Variants in SMAP1 observed in about 807,000 individuals in gnomAD.
SMAP1 encodes stromal membrane-associated protein 1.
SMAP1 carries 24 observed loss-of-function variants against 58.5 expected under a neutral mutation model. The observed-to-expected ratio is 0.41, with a 90% confidence interval of 0.30 to 0.58. The LOEUF (loss-of-function observed/expected upper bound fraction) is 0.58. SMAP1 is among the 20% of genes least tolerant of loss of function. The probability of loss-of-function intolerance (pLI) is 0.29; values close to 1 mark genes in which losing one functional copy is unlikely to be tolerated. For missense variants in SMAP1, 563 were observed against 566.3 expected (o/e 0.99, Z 0.06); for synonymous variants, 216 against 196.6 (o/e 1.10, Z -0.82).
At chr6:70,769,465 G>C (rs1767169069) in intron 3 of SMAP1, among the ~76,000 whole-genome samples, 1 of 152,192 alleles carries the variant, frequency 6.6e-6, no homozygotes, top group Admixed American at 6.5e-5. Flanking sequence ...ATTTAGGATA[G>C]TTAGCTCTTC....
chr6:70,680,271 G>A (rs960754896), intron 1 of SMAP1, among the ~76,000 whole-genome samples: 15 of 152,138 alleles, frequency 9.9e-5, no homozygotes, highest in African/African-American at 3.6e-4. Flanking sequence ...CTGGGACCTT[G>A]AATTAAGCAG....
intron 2 of SMAP1, among the ~76,000 whole-genome samples, chr6:70,752,079 TGTC>T (rs1284556734): frequency 2.6e-5 from 4 of 152,232 alleles, no homozygotes; most frequent in Non-Finnish European, 4.4e-5. Context: ...TCTTCTGTCT[TGTC>T]GTAAAATTTT....
At chr6:70,677,041 T>C (rs1581982226) in intron 1 of SMAP1, among the ~76,000 whole-genome samples, 1 of 152,122 alleles carries the variant, frequency 6.6e-6, no homozygotes, top group Admixed American at 6.6e-5. Flanking sequence ...TCCTCTTGCC[T>C]AGGCCTCCTG....
At chr6:70,793,733 T>A (rs1042016907) in intron 5 of SMAP1, among the ~76,000 whole-genome samples, 1 of 151,934 alleles carries the variant, frequency 6.6e-6, no homozygotes, top group African/African-American at 2.4e-5. Flanking sequence ...ATTTATTTAT[T>A]TTTTTGAGAC....
chr6:70,744,337 C>G (rs149740239), intron 2 of SMAP1, among the ~76,000 whole-genome samples: 1 of 152,042 alleles, frequency 6.6e-6, no homozygotes, highest in African/African-American at 2.4e-5. Flanking sequence ...CCCACACCCC[C>G]GATAGGCCCC....
chr6:70,756,793 T>C (rs1766510027), intron 3 of SMAP1, among the ~76,000 whole-genome samples: 1 of 152,114 alleles, frequency 6.6e-6, no homozygotes, highest in African/African-American at 2.4e-5. Flanking sequence ...ATAAAATACC[T>C]AGGAATCCAA....
intron 2 of SMAP1, 62 bp downstream of exon 2, chr6:70,732,573 C>G: frequency 7.4e-7 from 1 of 1,344,362 alleles, no homozygotes; most frequent in Non-Finnish European, 9.7e-7. Flanking sequence ...AATATTTAAC[C>G]CTTCTTGCAT....
chr6:70,702,620 TTTCTTCTTC>T (rs558995384), intron 1 of SMAP1, among the ~76,000 whole-genome samples: 1 of 151,888 alleles, frequency 6.6e-6, no homozygotes, highest in Non-Finnish European at 1.5e-5. Flanking sequence ...TCAGCCTTTC[TTTCTTCTTC>T]TTCTTCTTCT....
chr6:70,822,285 G>T (rs959644044), intron 6 of SMAP1, among the ~76,000 whole-genome samples: 2 of 152,128 alleles, frequency 1.3e-5, no homozygotes, highest in African/African-American at 4.8e-5. Context: ...GTGAGGCATT[G>T]TTCTAAGCTC....
intron 1 of SMAP1, among the ~76,000 whole-genome samples, chr6:70,708,977 A>T (rs967435718): frequency 1.3e-5 from 2 of 152,008 alleles, no homozygotes; most frequent in Admixed American, 6.6e-5. Flanking sequence ...ATGTAGTCCC[A>T]CTTGTTTATT....
chr6:70,702,394 A>G (rs113075939), intron 1 of SMAP1, among the ~76,000 whole-genome samples: 11,025 of 59,930 alleles, frequency 0.18, 715 homozygotes, highest in African/African-American at 0.31. Flanking sequence ...TTTTTTGGGG[A>G]GGGGGTCTGT....
chr6:70,855,927 T>C (rs1771400697), intron 8 of SMAP1, among the ~76,000 whole-genome samples: 1 of 152,264 alleles, frequency 6.6e-6, no homozygotes, highest in African/African-American at 2.4e-5. Flanking sequence ...AGTCATAAGA[T>C]TCAAAATACT....
intron 7 of SMAP1, among the ~76,000 whole-genome samples, chr6:70,846,347 T>A (rs1770988374): frequency 6.6e-6 from 1 of 152,096 alleles, no homozygotes; most frequent in Admixed American, 6.5e-5. Context: ...ACGCATTGAA[T>A]TAAGGAGGCA....
chr6:70,829,302 G>A (rs1484247618), intron 6 of SMAP1, among the ~76,000 whole-genome samples: 1 of 148,704 alleles, frequency 6.7e-6, no homozygotes, highest in African/African-American at 2.5e-5. Context: ...TTTTTGAGAT[G>A]TGTTTTTGCT....
At chr6:70,668,373 C>G (rs1012795911) in intron 1 of SMAP1, among the ~76,000 whole-genome samples, 5 of 152,224 alleles carry the variant, frequency 3.3e-5, no homozygotes, top group African/African-American at 1.2e-4. Context: ...CCCAGCCTCC[C>G]CTCCTCCCAG....
At chr6:70,676,994 A>G (rs1211360401) in intron 1 of SMAP1, among the ~76,000 whole-genome samples, 1 of 151,834 alleles carries the variant, frequency 6.6e-6, no homozygotes, top group Admixed American at 6.6e-5. Flanking sequence ...GGGCCTTGCT[A>G]TGTTGTTTGG....
rs1021477862 is a variant in SMAP1, at chr6:70,801,363, G to GT, written c.576+2635dup. On this transcript the variant is annotated intron_variant, in intron 6 of 10. Coordinates refer to ENST00000370455, the MANE Select transcript of SMAP1 (RefSeq NM_001044305.3). ...TATCCTTTGCCCACTTTTTGATGTG[G>GT]TTTTTTTTTCTTGTAAGTTTGTTTA... is the stretch of plus-strand genomic sequence containing the variant. Among the ~76,000 whole-genome samples, 77 of 150,152 alleles carry GT rather than the reference G, an allele frequency of 5.1e-4. 1 individual carries two copies. The highest frequency in any genetic ancestry group is 9.1e-4 in the Non-Finnish European group (61 of 67,046).
intron 1 of SMAP1, among the ~76,000 whole-genome samples, chr6:70,727,548 A>G (rs978590186): frequency 1.3e-5 from 2 of 152,238 alleles, no homozygotes; most frequent in African/African-American, 4.8e-5. Context: ...TTAGAGTTCA[A>G]GCTCCTTGAA....
chr6:70,861,806 G>A lies in SMAP1; in HGVS notation c.*1472G>A, dbSNP rs1394328571. 5 of 1,613,920 alleles carry A rather than the reference G, an allele frequency of 3.1e-6. No individual in the cohort carries two copies. Among genetic ancestry groups the A allele is most frequent in the Admixed American group, 1.7e-5 (1 of 59,994 alleles). On this transcript the variant is annotated 3_prime_UTR_variant, in exon 11 of 11. Coordinates refer to ENST00000370455, the MANE Select transcript of SMAP1 (RefSeq NM_001044305.3). Reference sequence around the variant, plus strand: ...ACTCTTCATGGTGACACTCGAGGTCGGGCAGCACAAGTGTAATGAATACCT... The same window carrying A: ...ACTCTTCATGGTGACACTCGAGGTCAGGCAGCACAAGTGTAATGAATACCT...
Sources: gnomAD v4.1 joint callset for allele counts (sites outside exome capture counted in the v4.1 genomes callset) on GRCh38, gnomAD v4.1.1 for gene constraint, MANE v1.5 for transcripts, NCBI Gene and HGNC (gene_info 2026-07-23, HGNC 2026-07-21) for gene names.